Variants in CLVS1 observed in about 807,000 individuals in gnomAD.
The protein encoded by CLVS1 is clavesin 1.
A neutral mutation model predicts 33.1 loss-of-function variants in CLVS1; 10 were observed. That is an observed-to-expected ratio of 0.30 (90% confidence interval 0.19 to 0.51). The LOEUF is 0.51. CLVS1 is among the 20% of genes least tolerant of loss of function. The pLI is 0.97. For synonymous variants in CLVS1, 163 were observed against 166.1 expected, an observed-to-expected ratio of 0.98 and a Z score of 0.14; for missense variants, 343 against 433.4, an observed-to-expected ratio of 0.79 and a Z score of 1.85.
At chr8:61,018,269 GTTA>G in the CLVS1 span, among the ~76,000 whole-genome samples, 1 of 152,184 alleles carries the variant, frequency 6.6e-6, no homozygotes, top group Admixed American at 6.5e-5. Context: ...CAAATTTCGT[GTTA>G]TTTTCTCTCC....
At position 61,354,731 on chromosome 8, in the gene CLVS1, C is replaced by T. The variant is rs182975893; in HGVS notation, c.456-21874C>T. 1.9e-3 allele frequency among the ~76,000 whole-genome samples: 286 copies of T among 152,202 alleles called. 1 individual carries two copies. The highest frequency in any genetic ancestry group is 6.4e-3 in the African/African-American group (266 of 41,556). ...TTGACTAAAAATGCTAATCCCTAAACATTATATAACATTCAATTTCTATAA... is the reference window on the plus strand; with the variant it reads ...TTGACTAAAAATGCTAATCCCTAAATATTATATAACATTCAATTTCTATAA... On this transcript the variant is annotated intron_variant, in intron 2 of 5. Coordinates refer to ENST00000325897, the MANE Select transcript of CLVS1 (RefSeq NM_173519.3).
At chr8:60,968,911 A>T in the CLVS1 span, among the ~76,000 whole-genome samples, 3 of 151,048 alleles carry the variant, frequency 2.0e-5, no homozygotes, top group Admixed American at 1.3e-4. Flanking sequence ...TAAATAAAAT[A>T]AAAAAAAATA....
chr8:61,019,327 C>T, the CLVS1 span, among the ~76,000 whole-genome samples: 5 of 152,176 alleles, frequency 3.3e-5, no homozygotes, highest in Admixed American at 6.5e-5. Context: ...GCACGCACAC[C>T]TTTGGTAATG....
chr8:60,996,169 A>C, the CLVS1 span, among the ~76,000 whole-genome samples: 1 of 152,258 alleles, frequency 6.6e-6, no homozygotes, highest in African/African-American at 2.4e-5. Context: ...TAATAAAAAA[A>C]AAATTCTTTT....
At chr8:61,246,650 A>G (rs1808816683) in intron 2 of CLVS1, among the ~76,000 whole-genome samples, 2 of 152,134 alleles carry the variant, frequency 1.3e-5, no homozygotes, top group South Asian at 2.1e-4. Context: ...TTTATAGTAG[A>G]ACAATGGCTC....
chr8:61,348,821 T>C (rs755164837), intron 2 of CLVS1, among the ~76,000 whole-genome samples: 67 of 152,320 alleles, frequency 4.4e-4, no homozygotes, highest in Non-Finnish European at 8.4e-4. Context: ...ATGGTTGTAC[T>C]AATGTACATT....
At chr8:61,087,188 G>A (rs986088621) in intron 1 of CLVS1, among the ~76,000 whole-genome samples, 1 of 152,240 alleles carries the variant, frequency 6.6e-6, no homozygotes, top group Non-Finnish European at 1.5e-5. Flanking sequence ...AATGTTTCCT[G>A]TGGAGCAGAT....
intron 2 of CLVS1, among the ~76,000 whole-genome samples, chr8:61,355,487 A>G (rs1038556864): frequency 4.9e-4 from 74 of 152,112 alleles, no homozygotes; most frequent in African/African-American, 1.7e-3. Flanking sequence ...ATATGTATAC[A>G]TGTGCCATGC....
intron 2 of CLVS1, among the ~76,000 whole-genome samples, chr8:61,305,462 A>G (rs974101774): frequency 6.6e-6 from 1 of 152,186 alleles, no homozygotes; most frequent in African/African-American, 2.4e-5. Flanking sequence ...TTCACGTAAC[A>G]TAATGGCCTT....
chr8:61,212,446 G>C (rs1268581925), intron 2 of CLVS1, among the ~76,000 whole-genome samples: 1 of 152,188 alleles, frequency 6.6e-6, no homozygotes, highest in Non-Finnish European at 1.5e-5. Flanking sequence ...GTGAAGTGAG[G>C]AGCCCAGGGT....
intron 2 of CLVS1, among the ~76,000 whole-genome samples, chr8:61,352,343 A>G (rs998159629): frequency 1.3e-5 from 2 of 152,066 alleles, no homozygotes; most frequent in African/African-American, 4.8e-5. Flanking sequence ...GGAAGAAAAC[A>G]GAAACATCTC....
At chr8:61,491,214 G>A (rs1319362613) in intron 5 of CLVS1, among the ~76,000 whole-genome samples, 1 of 152,212 alleles carries the variant, frequency 6.6e-6, no homozygotes, top group Non-Finnish European at 1.5e-5. Context: ...ATTGGTGATT[G>A]TAGTCCAGTC....
chr8:61,238,678 G>A (rs1045977502), intron 2 of CLVS1, among the ~76,000 whole-genome samples: 3 of 152,096 alleles, frequency 2.0e-5, no homozygotes, highest in African/African-American at 4.8e-5. Flanking sequence ...ACCACTCTTG[G>A]TTTGAACAAA....
rs192043661 is a variant in CLVS1 at position 61,409,596 on chromosome 8, C to A, written c.630+32817C>A. On this transcript the variant is annotated intron_variant, in intron 3 of 5. Coordinates refer to ENST00000325897, the MANE Select transcript of CLVS1 (RefSeq NM_173519.3). ...AATTCCACCCTTTTGCTACTACAAC[C>A]AATGCAGCAGTGAATGTTTGTTCAT... is the stretch of plus-strand genomic sequence containing the variant. Among the ~76,000 whole-genome samples, 103 of 152,304 alleles carry A rather than the reference C, an allele frequency of 6.8e-4. 1 individual carries two copies. Among genetic ancestry groups the A allele is most frequent in the African/African-American group, 2.4e-3 (100 of 41,562 alleles).
At position 61,222,709 on chromosome 8, in the gene CLVS1, G is replaced by T. The variant is rs140690487; in HGVS notation, c.-151-76968G>T. On this transcript the variant is annotated intron_variant, in intron 2 of 2. Transcript: ENST00000522621. ...TACTAGGTCCACTTGATGCAGAGTT[G>T]AGTTCAAGTCCTGAATATCCTTGTT... Among the ~76,000 whole-genome samples the T allele has an allele frequency of 5.1e-3, 770 of 152,288 alleles. 12 individuals are homozygous for T. Among genetic ancestry groups the T allele is most frequent in the African/African-American group, 0.018 (734 of 41,564 alleles).
Position 61,299,961 on chromosome 8 carries a change from A to T in CLVS1, c.134A>T (p.Asn45Ile). ...AAAGCTCGCCTGGAACTGAATGAAA[A>T]CCCCGATGTTTTACATCAGGATATT... is the stretch of plus-strand genomic sequence containing the variant. Reference protein sequence around the residue: ...IEKARLELNENPDVLHQDIQQ... With the variant: ...IEKARLELNEIPDVLHQDIQQ... The change falls in exon 2 of 6, where the codon AAC becomes ATC. Residue 45 changes from asparagine (N) to isoleucine (I), a missense_variant. Asn to Ile is a moderately radical substitution (Grantham distance 149). Around this residue, in one of 4 missense-constraint regions of CLVS1, gnomAD observed 88 missense variants for 77.3 expected, o/e 1.14. Coordinates refer to ENST00000325897, the MANE Select transcript of CLVS1 (RefSeq NM_173519.3). The T allele has an allele frequency of 6.2e-7, 1 of 1,613,624 alleles. No individual in the cohort carries two copies. Among genetic ancestry groups the T allele is most frequent in the Non-Finnish European group, 8.5e-7 (1 of 1,179,872 alleles).
chr8:61,271,543 T>C (rs1175571431), intron 2 of CLVS1, among the ~76,000 whole-genome samples: 19 of 146,804 alleles, frequency 1.3e-4, no homozygotes, highest in Middle Eastern at 3.4e-3. Context: ...GCTTGGTGCA[T>C]AGCTGAGTTC....
At chr8:61,000,047 A>G in the CLVS1 span, among the ~76,000 whole-genome samples, 1 of 152,354 alleles carries the variant, frequency 6.6e-6, no homozygotes, top group East Asian at 1.9e-4. Context: ...CTGAAGCCTG[A>G]GGCAGGTCAC....
chr8:61,110,336 G>A (rs1224518081), intron 1 of CLVS1, among the ~76,000 whole-genome samples: 1 of 152,078 alleles, frequency 6.6e-6, no homozygotes, highest in African/African-American at 2.4e-5. Flanking sequence ...TTCTTCCCTT[G>A]CTCTCTCCCT....
Sources: gnomAD v4.1 joint callset for allele counts (sites outside exome capture counted in the v4.1 genomes callset) on GRCh38, gnomAD v4.1.1 for gene constraint, gnomAD v4.1.1 regional missense constraint, MANE v1.5 for transcripts, NCBI Gene and HGNC (gene_info 2026-07-23, HGNC 2026-07-21) for gene names.